Variants in LAMC3 observed in about 807,000 individuals in gnomAD.
LAMC3 encodes laminin subunit gamma-3.
A neutral mutation model predicts 173.8 loss-of-function variants in LAMC3; 128 were observed. That is an observed-to-expected ratio of 0.74 (90% CI 0.64 to 0.85). The LOEUF is 0.85. Among genes scored for constraint, LAMC3 ranks in the 40% least tolerant of loss-of-function variants. The probability of loss-of-function intolerance (pLI) is 0.00; values close to 1 mark genes in which losing one functional copy is unlikely to be tolerated. For missense variants in LAMC3, 2,022 were observed against 2,156.0 expected (o/e 0.94, Z 1.23); for synonymous variants, 897 against 909.1 (o/e 0.99, Z 0.24).
At chr9:131,058,011 A>T (rs570432252) in intron 12 of LAMC3, among the ~76,000 whole-genome samples, 27 of 152,334 alleles carry the variant, frequency 1.8e-4, no homozygotes, top group African/African-American at 6.3e-4. Flanking sequence ...GTGCAGATGC[A>T]TGGCCAGCAG....
intron 20 of LAMC3, among the ~76,000 whole-genome samples, 170 bp downstream of exon 20, chr9:131,073,491 G>A (rs1202003528): frequency 6.6e-6 from 1 of 152,208 alleles, no homozygotes; most frequent in Non-Finnish European, 1.5e-5. Context: ...GTGGGTATAA[G>A]TCCAGAGATG....
rs532369774 is a variant in LAMC3 at position 131,055,855 on chromosome 9, T to C, written c.1940-1074T>C. ...ACATTTCTGTGTCAATTAGCTTCTTTTACATCAAAATCCTGTTACATTCAT... is the reference window on the plus strand; with the variant it reads ...ACATTTCTGTGTCAATTAGCTTCTTCTACATCAAAATCCTGTTACATTCAT... On this transcript the variant is annotated intron_variant, in intron 11 of 27. Coordinates refer to ENST00000361069, the MANE Select transcript of LAMC3 (RefSeq NM_006059.4). 2.6e-5 allele frequency among the ~76,000 whole-genome samples: 4 copies of C among 152,278 alleles called. No homozygotes were observed. In the East Asian group the frequency reaches 7.7e-4, roughly 29 times the overall value.
intron 2 of LAMC3, 146 bp from the exon 3 acceptor site, chr9:131,031,899 A>G (rs1839491718): frequency 8.1e-6 from 11 of 1,364,974 alleles, no homozygotes; most frequent in Non-Finnish European, 1.0e-5. Flanking sequence ...TTATTTCTGC[A>G]GTGTTCTCAG....
intron 4 of LAMC3, among the ~76,000 whole-genome samples, chr9:131,036,554 C>T (rs147894803): frequency 7.7e-4 from 117 of 152,238 alleles, no homozygotes; most frequent in African/African-American, 2.6e-3. Context: ...CTTCCCTGGA[C>T]CAACTCTACC....
chr9:131,069,054 A>G lies in LAMC3; in HGVS notation c.2890+4A>G. 1 of 1,613,354 alleles carries G rather than the reference A, an allele frequency of 6.2e-7. No homozygotes were observed. The highest frequency in any genetic ancestry group is 8.5e-7 in the Non-Finnish European group (1 of 1,179,902). ...TTCTCCATCAAGGGCTGCCGGGGTAAGGAGGCTGGGTCCTTCCCGGGCTGC... is the reference window on the plus strand; with the variant it reads ...TTCTCCATCAAGGGCTGCCGGGGTAGGGAGGCTGGGTCCTTCCCGGGCTGC... On this transcript the variant is annotated splice_donor_region_variant and intron_variant, in intron 16 of 27. Transcript: ENST00000361069.
intron 23 of LAMC3, among the ~76,000 whole-genome samples, chr9:131,079,785 G>A (rs921251621): frequency 6.6e-6 from 1 of 152,024 alleles, no homozygotes. Context: ...AGGGGACCCT[G>A]ATACCCCGAG....
chr9:131,073,321 G>A lies in LAMC3; in HGVS notation c.3494G>A (p.Ser1165Asn), dbSNP rs1453568158. 6.2e-6 allele frequency: 10 copies of A among 1,612,958 alleles called. No homozygotes were observed. The highest frequency in any genetic ancestry group is 8.5e-6 in the Non-Finnish European group (10 of 1,179,122). The change falls in exon 20 of 28, where the codon AGC becomes AAC. Residue 1165 changes from serine (S) to asparagine (N), a missense_variant and splice_region_variant. Physicochemically the swap from Ser to Asn is conservative, Grantham distance 46. Coordinates refer to ENST00000361069, the MANE Select transcript of LAMC3 (RefSeq NM_006059.4). ...LATEARALAR[S>N]HRDTATKIAA... ...ACAGAGGCCCGTGCCCTCGCCAGGAGGTGAGTCCCAAGACATGGTGAGCTT... is the reference window on the plus strand; with the variant it reads ...ACAGAGGCCCGTGCCCTCGCCAGGAAGTGAGTCCCAAGACATGGTGAGCTT...
At chr9:131,084,039 AT>A (rs34293977) in intron 24 of LAMC3, among the ~76,000 whole-genome samples, 151 of 131,152 alleles carry the variant, frequency 1.2e-3, no homozygotes, top group East Asian at 2.3e-3. Context: ...CACACCCGGC[AT>A]TTTTTTTTTT....
chr9:131,085,767 G>A (rs1830321011), intron 25 of LAMC3, 44 bp downstream of exon 25: 3 of 1,591,322 alleles, frequency 1.9e-6, no homozygotes, highest in South Asian at 2.2e-5. Context: ...TTCCCTCCCG[G>A]GGGGACCGCC....
intron 11 of LAMC3, among the ~76,000 whole-genome samples, chr9:131,055,646 C>T (rs932689945): frequency 1.3e-4 from 19 of 151,274 alleles, no homozygotes; most frequent in Non-Finnish European, 2.4e-4. Flanking sequence ...AGGATGGTCT[C>T]GATTTCCTGA....
intron 27 of LAMC3, among the ~76,000 whole-genome samples, chr9:131,089,095 T>G (rs761289101): frequency 1.4e-5 from 2 of 141,928 alleles, no homozygotes; most frequent in African/African-American, 2.6e-5. Flanking sequence ...AAGAAGAACT[T>G]GCTTAGAATC....
At chr9:131,010,152 C>CAA (rs35239233) in intron 1 of LAMC3, among the ~76,000 whole-genome samples, 23 of 39,572 alleles carry the variant, frequency 5.8e-4, no homozygotes, top group East Asian at 1.6e-3. Context: ...AACTCCGTCT[C>CAA]AAAAAAAAAA....
intron 13 of LAMC3, among the ~76,000 whole-genome samples, chr9:131,062,675 C>G (rs62581471): frequency 0.019 from 2,949 of 152,104 alleles, 41 homozygotes; most frequent in Middle Eastern, 0.041. Context: ...CTGAGACTAG[C>G]CTGGCCAACG....
intron 1 of LAMC3, among the ~76,000 whole-genome samples, chr9:131,010,106 G>T (rs542792229): frequency 4.1e-5 from 6 of 145,196 alleles, no homozygotes; most frequent in African/African-American, 1.5e-4. Context: ...GTGAGCCGAG[G>T]TCGCACCACC....
intron 20 of LAMC3, among the ~76,000 whole-genome samples, chr9:131,075,287 G>T (rs1830104079): frequency 6.6e-6 from 1 of 150,532 alleles, no homozygotes. Flanking sequence ...AAAAAATAAG[G>T]CCCTGGCTGG....
intron 8 of LAMC3, among the ~76,000 whole-genome samples, chr9:131,048,552 G>A (rs994858812): frequency 5.3e-5 from 8 of 152,154 alleles, no homozygotes; most frequent in Admixed American, 6.5e-5. Flanking sequence ...GCTGTGCTCC[G>A]TGTTAACTGC....
chr9:131,072,122 T>A (rs1020531077), intron 18 of LAMC3, among the ~76,000 whole-genome samples: 4 of 130,428 alleles, frequency 3.1e-5, no homozygotes, highest in South Asian at 5.3e-4. Flanking sequence ...AGCAAGACCT[T>A]GTTTCTATGA....
In LAMC3 at chr9:131,072,763, G is replaced by A; in HGVS notation, c.3345G>A (p.Leu1115=). The change falls in exon 19 of 28, where the codon CTG becomes CTA. Residue 1115 remains leucine, a synonymous_variant. Coordinates refer to ENST00000361069, the MANE Select transcript of LAMC3 (RefSeq NM_006059.4). ...QAGSQKTCTQ[L]ADLEAVLESS... The stretch of plus-strand genomic sequence containing the variant: ...GATCCCAGAAGACCTGCACCCAGCT[G>A]GCAGACCTGGAGGCAGTGCTGGAGT... The A allele has an allele frequency of 6.2e-7, 1 of 1,613,408 alleles. No homozygotes were observed. The highest frequency in any genetic ancestry group is 8.5e-7 in the Non-Finnish European group (1 of 1,179,810).
chr9:131,052,480 C>T lies in LAMC3; in HGVS notation c.1631-11C>T, dbSNP rs1834308519. On this transcript the variant is annotated splice_polypyrimidine_tract_variant and intron_variant, in intron 9 of 27. Coordinates refer to ENST00000361069, the MANE Select transcript of LAMC3 (RefSeq NM_006059.4). ...ATGAAGACTGTCAAAGCCTTCTTCT[C>T]TTGTCTTCAGAGAAGTTCCTGGGAG... The T allele has an allele frequency of 6.2e-7, 1 of 1,611,462 alleles. No homozygotes were observed. Among genetic ancestry groups the T allele is most frequent in the African/African-American group, 1.3e-5 (1 of 75,000 alleles).
Sources: allele counts gnomAD v4.1 joint callset (sites outside exome capture counted in the v4.1 genomes callset), GRCh38; gene constraint gnomAD v4.1.1; transcripts MANE v1.5; gene names NCBI Gene and HGNC (gene_info 2026-07-23, HGNC 2026-07-21).